Variants in UCN3 observed in about 807,000 individuals in gnomAD.
UCN3 encodes the protein urocortin-3.
A neutral mutation model predicts 3.6 loss-of-function variants in UCN3; 3 were observed. The ratio of observed to expected loss-of-function variants is 0.83; its 90% CI spans 0.38 to 2.15. The LOEUF (loss-of-function observed/expected upper bound fraction) is 2.15. Among genes scored for constraint, UCN3 ranks in the 30% most tolerant of loss-of-function variants. The pLI, the probability that UCN3 is intolerant of heterozygous loss-of-function variation, is 0.06. For synonymous variants in UCN3, 100 were observed against 93.2 expected (o/e 1.07, Z -0.42); for missense variants, 206 against 208.3 (o/e 0.99, Z 0.07).
intron 1 of UCN3, among the ~76,000 whole-genome samples, chr10:5,368,382 C>G (rs546667947): frequency 3.3e-5 from 5 of 152,186 alleles, no homozygotes; most frequent in Non-Finnish European, 7.4e-5. Context: ...TCATTTCATT[C>G]TCCCAGTGCT....
intron 1 of UCN3, among the ~76,000 whole-genome samples, chr10:5,371,498 T>C (rs782250625): frequency 7.9e-5 from 12 of 152,106 alleles, no homozygotes; most frequent in Non-Finnish European, 1.2e-4. Flanking sequence ...GATCCTCCTT[T>C]AGAAAGAGAC....
intron 1 of UCN3, among the ~76,000 whole-genome samples, chr10:5,368,633 A>G (rs1443620697): frequency 1.3e-5 from 2 of 152,196 alleles, no homozygotes; most frequent in African/African-American, 2.4e-5. Flanking sequence ...TAACCTTTCC[A>G]AATTGGTTTT....
intron 1 of UCN3, among the ~76,000 whole-genome samples, chr10:5,370,139 G>GTGTA (rs1554811117): frequency 1.9e-5 from 1 of 52,254 alleles, no homozygotes; most frequent in African/African-American, 9.3e-5. Flanking sequence ...GTATGTGTGT[G>GTGTA]TATGCGTGTG....
chr10:5,367,239 T>A lies in UCN3; in HGVS notation c.-7+2009T>A, dbSNP rs1554810761. Among the ~76,000 whole-genome samples the A allele has an allele frequency of 6.6e-6, 1 of 152,184 alleles. No homozygotes were observed. Among genetic ancestry groups the A allele is most frequent in the Non-Finnish European group, 1.5e-5 (1 of 68,034 alleles). On this transcript the variant is annotated intron_variant, in intron 1 of 1. Transcript: ENST00000380433. The surrounding 1 kb of genome is among the most constrained non-coding windows in gnomAD (Gnocchi z 4.3). Reference sequence around the variant, plus strand: ...TTGCAGAAAGTTACTTAGACGAGGCTGTTTCATGTTCAGAAGCCCTCATCT... The same window carrying A: ...TTGCAGAAAGTTACTTAGACGAGGCAGTTTCATGTTCAGAAGCCCTCATCT...
intron 1 of UCN3, among the ~76,000 whole-genome samples, chr10:5,369,254 T>C (rs1274634799): frequency 6.6e-6 from 1 of 152,220 alleles, no homozygotes; most frequent in Non-Finnish European, 1.5e-5. Context: ...TCTGTACATA[T>C]GTGTATTGTG....
intron 1 of UCN3, among the ~76,000 whole-genome samples, chr10:5,368,231 T>C (rs1248676648): frequency 6.6e-6 from 1 of 152,086 alleles, no homozygotes; most frequent in Non-Finnish European, 1.5e-5. Context: ...CTCAAACTCC[T>C]GACCTCAGGT....
rs1414042880 is a variant in UCN3, at chr10:5,373,682, T to TGCCCCTGCCCAC, written c.-6-32_-6-21dup. ...CCTCCAGAGCACCACGCCCCTCCCA[T>TGCCCCTGCCCAC]GCCCCTGCCCACATCCCTCTTTTCT... On this transcript the variant is annotated intron_variant, in intron 1 of 1. Transcript: ENST00000380433. 21 of 1,599,060 alleles carry TGCCCCTGCCCAC rather than the reference T, an allele frequency of 1.3e-5. No homozygotes were observed. In the Admixed American group the frequency reaches 3.6e-4, roughly 27 times the overall value.
At chr10:5,371,264 T>C (rs982109752) in intron 1 of UCN3, among the ~76,000 whole-genome samples, 1 of 151,496 alleles carries the variant, frequency 6.6e-6, no homozygotes, top group African/African-American at 2.4e-5. Context: ...GAGGTGTGTG[T>C]GCGTGTATGT....
intron 1 of UCN3, among the ~76,000 whole-genome samples, chr10:5,370,144 C>CGTGTGTATATGT (rs1276358745): frequency 1.2e-4 from 1 of 8,660 alleles, no homozygotes; most frequent in Non-Finnish European, 1.9e-4. Context: ...TGTGTGTATG[C>CGTGTGTATATGT]GTGTGTATAT....
In UCN3 at chr10:5,373,771, C is replaced by G. The variant is rs376416490; in HGVS notation, c.51C>G (p.Gly17=). The G allele has an allele frequency of 6.2e-7, 1 of 1,613,886 alleles. No homozygotes were observed. The highest frequency in any genetic ancestry group is 1.7e-5 in the Admixed American group (1 of 60,006). ...FLLLLLLLLG[G]PRTGLPHKFY... is the part of the protein sequence containing the mutation. ...TGCTCCTGCTGCTGCTCCTGGGGGGCCCCAGGACAGGCCTCCCCCACAAGT... is the reference window on the plus strand; with the variant it reads ...TGCTCCTGCTGCTGCTCCTGGGGGGGCCCAGGACAGGCCTCCCCCACAAGT... Residue 17 remains glycine (G), a synonymous_variant, in exon 2 of 2, where the codon GGC becomes GGG. Transcript: ENST00000380433.
intron 1 of UCN3, among the ~76,000 whole-genome samples, chr10:5,370,643 ATATGTGTGTGTATGTGTGTGTATG>A (rs1831382086): frequency 5.0e-5 from 2 of 40,370 alleles, no homozygotes; most frequent in African/African-American, 1.2e-4. Context: ...ATGTGTGTGT[ATATGTGTGTGTATGTGTGTGTATG>A]TGTGTGTATG....
chr10:5,370,927 A>ATATGTGTGTGTTTATGTGTGTGTG (rs1564443841), intron 1 of UCN3, among the ~76,000 whole-genome samples: 4 of 131,176 alleles, frequency 3.0e-5, no homozygotes, highest in Non-Finnish European at 3.2e-5. Flanking sequence ...ATGCGTGTGT[A>ATATGTGTGTGTTTATGTGTGTGTG]TATGTGTGTT....
rs559401790 is a variant in UCN3 at position 5,367,751 on chromosome 10, A to C, written c.-7+2521A>C. On this transcript the variant is annotated intron_variant, in intron 1 of 1. Transcript: ENST00000380433. This position sits in a 1 kb window ranked among gnomAD's most constrained non-coding sequence, Gnocchi z 4.3. ...CAAGATGGGCTTGAACTCAGAAAGT[A>C]GTCTGAGTTCTCAGTAATATTTGCA... 6.6e-6 allele frequency among the ~76,000 whole-genome samples: 1 copy of C among 152,364 alleles called. No homozygotes were observed. Among genetic ancestry groups the C allele is most frequent in the South Asian group, 2.1e-4 (1 of 4,832 alleles).
intron 1 of UCN3, 31 bp from the exon 2 acceptor site, chr10:5,373,684 C>T (rs782363645): frequency 6.2e-7 from 1 of 1,603,722 alleles, no homozygotes; most frequent in Non-Finnish European, 8.5e-7. Context: ...CCCTCCCATG[C>T]CCCTGCCCAC....
chr10:5,370,671 GTGTA>G lies in UCN3; in HGVS notation c.-6-3040_-6-3037del, dbSNP rs1317659769. Among the ~76,000 whole-genome samples the G allele has an allele frequency of 3.1e-4, 34 of 111,052 alleles. 3 individuals are homozygous for G. The highest frequency in any genetic ancestry group is 7.9e-4 in the African/African-American group (23 of 29,018). The allele number at this position is 111,052 out of a possible 152,430, so 72.9% of individuals were successfully genotyped here. A position where few individuals can be genotyped will look rare whatever the true frequency, so the allele number is the denominator to read the frequency against. ...TGTGTGTGTATGTGTGTGTATGTGT[GTGTA>G]TGTGTGTGTGTATGTGTGTATATGT... is the stretch of plus-strand genomic sequence containing the variant. On this transcript the variant is annotated intron_variant, in intron 1 of 1. Coordinates refer to ENST00000380433, the MANE Select transcript of UCN3 (RefSeq NM_053049.4).
chr10:5,370,789 GTATGCGTGTGTATA>G (rs1831396338), intron 1 of UCN3, among the ~76,000 whole-genome samples: 3 of 136,520 alleles, frequency 2.2e-5, no homozygotes, highest in African/African-American at 8.8e-5. Flanking sequence ...GTGTGTGTGT[GTATGCGTGTGTATA>G]TGTGTGTGTG....
At chr10:5,370,677 GTGTGTGTGTA>G (rs1239152572) in intron 1 of UCN3, among the ~76,000 whole-genome samples, 10 of 79,330 alleles carry the variant, frequency 1.3e-4, no homozygotes, top group East Asian at 6.1e-4. Flanking sequence ...GTGTGTGTAT[GTGTGTGTGTA>G]TGTGTGTATA....
Position 5,370,843 on chromosome 10 carries a change from G to GTA in UCN3, c.-6-2871_-6-2870insAT, listed in dbSNP as rs1564443642. On this transcript the variant is annotated intron_variant, in intron 1 of 1. Coordinates refer to ENST00000380433, the MANE Select transcript of UCN3 (RefSeq NM_053049.4). ...TGTGTGCGCGCGTGTGTGTGCGCGT[G>GTA]TGTGTGCGCGTGTGTGTGCGTGTGT... 4.1e-4 allele frequency among the ~76,000 whole-genome samples: 32 copies of GTA among 78,970 alleles called. 1 individual carries two copies. Among genetic ancestry groups the GTA allele is most frequent in the South Asian group, 3.1e-3 (5 of 1,608 alleles). 51.8% of individuals were successfully genotyped at this position (78,970 alleles called of 152,430 possible). A position where few individuals can be genotyped will look rare whatever the true frequency, so the allele number is the denominator to read the frequency against.
chr10:5,371,236 A>G (rs559982779), intron 1 of UCN3, among the ~76,000 whole-genome samples: 2 of 149,112 alleles, frequency 1.3e-5, no homozygotes, highest in Non-Finnish European at 3.0e-5. Context: ...ATAAATATGC[A>G]TGTCTATATG....
Sources: gnomAD v4.1 joint callset for allele counts (sites outside exome capture counted in the v4.1 genomes callset) on GRCh38, gnomAD v4.1.1 for gene constraint, Gnocchi (gnomAD v3.1) non-coding constraint, MANE v1.5 for transcripts, NCBI Gene and HGNC (gene_info 2026-07-23, HGNC 2026-07-21) for gene names.